SIK3: variants seen among roughly 807,000 people sequenced by gnomAD.
The protein encoded by SIK3 is SIK family kinase 3.
In SIK3, 28 loss-of-function variants were observed where a neutral mutation model predicts 144.2. The ratio of observed to expected loss-of-function variants is 0.19; its 90% CI spans 0.14 to 0.27. SIK3 has a LOEUF of 0.27. SIK3 is among the 10% of genes least tolerant of loss of function. The pLI, the probability that SIK3 is intolerant of heterozygous loss-of-function variation, is 1.00. For missense variants in SIK3, 1,319 were observed against 1,776.0 expected, an observed-to-expected ratio of 0.74 and a Z score of 4.62; for synonymous variants, 686 against 676.3, an observed-to-expected ratio of 1.01 and a Z score of -0.22.
At chr11:117,013,457 G>A (rs763418086) in intron 1 of SIK3, among the ~76,000 whole-genome samples, 19 of 152,078 alleles carry the variant, frequency 1.2e-4, no homozygotes, top group African/African-American at 1.7e-4. Flanking sequence ...TAGCCTGGGC[G>A]TCAAGAGTGA....
At chr11:116,911,480 C>T (rs1270860007) in intron 4 of SIK3, among the ~76,000 whole-genome samples, 1 of 151,584 alleles carries the variant, frequency 6.6e-6, no homozygotes, top group Non-Finnish European at 1.5e-5. Context: ...GAACTCCAGC[C>T]TGGGCAAGAC....
intron 1 of SIK3, among the ~76,000 whole-genome samples, chr11:117,061,664 G>A (rs1309828137): frequency 6.6e-6 from 1 of 152,108 alleles, no homozygotes; most frequent in African/African-American, 2.4e-5. Context: ...AGACTCTCAG[G>A]CCACTCCAGC....
intron 1 of SIK3, among the ~76,000 whole-genome samples, chr11:117,046,633 C>T (rs977622469): frequency 2.6e-5 from 4 of 152,152 alleles, no homozygotes; most frequent in Admixed American, 2.6e-4. Context: ...AATCCCAGCA[C>T]TTTGGGAGGT....
chr11:116,958,679 C>T (rs982467994), intron 1 of SIK3, among the ~76,000 whole-genome samples: 9 of 152,180 alleles, frequency 5.9e-5, no homozygotes, highest in Non-Finnish European at 8.8e-5. Context: ...AATTTCACTA[C>T]AGAGAGAACT....
chr11:117,082,546 A>G (rs1051833772), intron 1 of SIK3, among the ~76,000 whole-genome samples: 3 of 152,342 alleles, frequency 2.0e-5, no homozygotes, highest in Admixed American at 1.3e-4. Flanking sequence ...CCACTGCATA[A>G]TTCTATTTAT....
chr11:116,950,771 A>C (rs957920684), intron 3 of SIK3, among the ~76,000 whole-genome samples: 1 of 151,892 alleles, frequency 6.6e-6, no homozygotes, highest in Non-Finnish European at 1.5e-5. Flanking sequence ...GTCTTTTGAC[A>C]GAAGGAAGCC....
At position 117,026,350 on chromosome 11, in the gene SIK3, A is replaced by C. The variant is rs146959822; in HGVS notation, c.274-69286T>G. ...ACACTCTTATGATGTTCCCACAAGG[A>C]AACAATCACCTAATGATGCATTTCT... On this transcript the variant is annotated intron_variant, in intron 1 of 24. Transcript: ENST00000445177. 7.9e-5 allele frequency among the ~76,000 whole-genome samples: 12 copies of C among 152,308 alleles called. 2 individuals are homozygous for C. Among genetic ancestry groups the C allele is most frequent in the African/African-American group, 2.9e-4 (12 of 41,560 alleles).
intron 6 of SIK3, among the ~76,000 whole-genome samples, chr11:116,878,182 C>CA (rs958465907): frequency 3.3e-5 from 5 of 152,188 alleles, no homozygotes; most frequent in Non-Finnish European, 7.3e-5. Context: ...TTACACGCTG[C>CA]AAAAGTCTCC....
At position 116,934,024 on chromosome 11, in the gene SIK3, C is replaced by G. The variant is rs568794156; in HGVS notation, c.455-6644G>C. On this transcript the variant is annotated intron_variant, in intron 3 of 24. Transcript: ENST00000445177. ...GCATGATCTTTTACAAAAGTATAACCTTCTCAGAGAGGTCTTTCCTATCTC... is the reference window on the plus strand; with the variant it reads ...GCATGATCTTTTACAAAAGTATAACGTTCTCAGAGAGGTCTTTCCTATCTC... 4.6e-5 allele frequency among the ~76,000 whole-genome samples: 7 copies of G among 152,286 alleles called. No homozygotes were observed. In the South Asian group the frequency reaches 1.5e-3, roughly 32 times the overall value.
chr11:116,896,353 C>A lies in SIK3; in HGVS notation c.765G>T (p.Val255=). 1 of 1,613,988 alleles carries A rather than the reference C, an allele frequency of 6.2e-7. No individual in the cohort carries two copies. The highest frequency in any genetic ancestry group is 1.1e-5 in the South Asian group (1 of 91,062). Residue 255 remains valine (V), a synonymous_variant, in exon 6 of 25, where the codon GTG becomes GTT. Transcript: ENST00000445177. Reference sequence around the variant, plus strand: ...CAAATGGCAGGGCACCGCACACAAGCACGTAGAGGACAACTCCAAGGCTCT... The same window carrying A: ...CAAATGGCAGGGCACCGCACACAAGAACGTAGAGGACAACTCCAAGGCTCT... ...DIWSLGVVLY[V]LVCGALPFDG... is the part of the protein sequence containing the mutation.
chr11:116,936,743 C>T (rs1484329845), intron 3 of SIK3, among the ~76,000 whole-genome samples: 1 of 152,180 alleles, frequency 6.6e-6, no homozygotes, highest in Non-Finnish European at 1.5e-5. Context: ...TTTCTTTGGT[C>T]GTGTCATTCA....
intron 1 of SIK3, among the ~76,000 whole-genome samples, chr11:117,084,557 C>T (rs1331211035): frequency 6.6e-6 from 1 of 152,232 alleles, no homozygotes; most frequent in South Asian, 2.1e-4. Flanking sequence ...TGAGCCACCG[C>T]GCCGGGCCCA....
At chr11:116,863,597 C>T in intron 16 of SIK3, 71 bp downstream of exon 16, 1 of 1,603,574 alleles carries the variant, frequency 6.2e-7, no homozygotes, top group East Asian at 2.2e-5. Flanking sequence ...CGTTTACCAC[C>T]CCAGTCCTCC....
chr11:116,974,240 T>C (rs1949869702), intron 1 of SIK3, among the ~76,000 whole-genome samples: 1 of 152,236 alleles, frequency 6.6e-6, no homozygotes, highest in African/African-American at 2.4e-5. Flanking sequence ...TTAAATTGTT[T>C]TGTTAGGAAA....
At chr11:116,863,594 C>T in intron 16 of SIK3, 74 bp downstream of exon 16, 1 of 1,592,590 alleles carries the variant, frequency 6.3e-7, no homozygotes, top group South Asian at 1.1e-5. Context: ...GTACGTTTAC[C>T]ACCCCAGTCC....
chr11:116,996,896 G>A (rs138294507), intron 1 of SIK3, among the ~76,000 whole-genome samples: 1 of 148,148 alleles, frequency 6.8e-6, no homozygotes, highest in East Asian at 2.0e-4. Context: ...AACAATAGAT[G>A]CTATCTAGCT....
chr11:116,936,548 T>A (rs894360667), intron 3 of SIK3, among the ~76,000 whole-genome samples: 1 of 152,222 alleles, frequency 6.6e-6, no homozygotes, highest in Non-Finnish European at 1.5e-5. Flanking sequence ...ATCATCTAGA[T>A]GTCCATGAAA....
chr11:116,917,659 T>C (rs947841247), intron 4 of SIK3, among the ~76,000 whole-genome samples: 4 of 151,036 alleles, frequency 2.6e-5, no homozygotes, highest in South Asian at 2.1e-4. Context: ...CAGTGAGCTA[T>C]GACTGCACCA....
intron 1 of SIK3, among the ~76,000 whole-genome samples, chr11:116,978,929 A>G (rs1356336557): frequency 6.6e-6 from 1 of 152,178 alleles, no homozygotes; most frequent in African/African-American, 2.4e-5. Flanking sequence ...TTATAAATAT[A>G]CCAACTGTAT....
Sources: gnomAD v4.1 joint callset for allele counts (sites outside exome capture counted in the v4.1 genomes callset) on GRCh38, gnomAD v4.1.1 for gene constraint, MANE v1.5 for transcripts, NCBI Gene and HGNC (gene_info 2026-07-23, HGNC 2026-07-21) for gene names.